Variants in P2RX2 observed in about 807,000 individuals in gnomAD.
P2RX2 encodes the protein purinergic receptor P2X 2, also known as P2X purinoceptor 2.
A neutral mutation model predicts 54.8 loss-of-function variants in P2RX2; 50 were observed. The observed-to-expected ratio is 0.91, with a 90% CI of 0.73 to 1.15. The LOEUF (loss-of-function observed/expected upper bound fraction) is 1.15. Among genes scored for constraint, P2RX2 ranks in the 50% most tolerant of loss-of-function variants. The pLI is 0.00. For missense variants in P2RX2, 658 were observed against 633.2 expected (o/e 1.04, Z -0.42); for synonymous variants, 289 against 259.4 (o/e 1.11, Z -1.09).
At position 132,621,021 on chromosome 12, in the gene P2RX2, T is replaced by C. The variant is rs2041650360; in HGVS notation, c.795T>C (p.Ile265=). 5 of 1,614,052 alleles carry C rather than the reference T, an allele frequency of 3.1e-6. No individual in the cohort carries two copies. The East Asian group carries it at 6.7e-5, about 22-fold the overall frequency. ...GGCAGGGTGGTGTCATCGGGGTCATTATCAACTGGGACTGTGACCTGGACC... is the reference window on the plus strand; with the variant it reads ...GGCAGGGTGGTGTCATCGGGGTCATCATCAACTGGGACTGTGACCTGGACC... ...LAHKGGVIGV[I]INWDCDLDLP... Residue 265 remains isoleucine, a synonymous_variant, in exon 8 of 11, where the codon ATT becomes ATC. Transcript: ENST00000643471.
rs777827527 is a variant in P2RX2, at chr12:132,620,576, C to A, written c.767C>A (p.Ala256Glu). Residue 256 changes from alanine to glutamate, a missense_variant, in exon 7 of 11, where the codon GCA becomes GAA. Ala to Glu is a moderately radical substitution (Grantham distance 107). Transcript: ENST00000643471. ...EKAGESFTELAHKGGVIGVII... is the reference protein window; with the variant it reads ...EKAGESFTELEHKGGVIGVII... ...GCTGGGGAGAGCTTCACAGAGCTCG[C>A]ACACAAGGCAGGGCAAGCGCAGGCA... 20 of 1,612,546 alleles carry A rather than the reference C, an allele frequency of 1.2e-5. No individual in the cohort carries two copies. The Admixed American group carries it at 3.3e-4, about 27-fold the overall frequency.
chr12:132,621,965 A>C lies in P2RX2; in HGVS notation c.1409A>C (p.Gln470Pro), dbSNP rs369100205. The C allele has an allele frequency of 8.1e-6, 13 of 1,613,678 alleles. No individual in the cohort carries two copies. The highest frequency in any genetic ancestry group is 1.1e-5 in the Non-Finnish European group (13 of 1,179,998). Reference sequence around the variant, plus strand: ...CCCACAGACCCCAAAGGTTTGGCTCAACTCTGAGCTCCTTTCCATCTCACT... The same window carrying C: ...CCCACAGACCCCAAAGGTTTGGCTCCACTCTGAGCTCCTTTCCATCTCACT... ...STPTDPKGLAQL is the reference protein window; with the variant it reads ...STPTDPKGLAPL Residue 470 changes from glutamine to proline, a missense_variant, in exon 11 of 11, where the codon CAA becomes CCA. By Grantham distance (76) the Gln-to-Pro change is moderately conservative. Coordinates refer to ENST00000643471, the MANE Select transcript of P2RX2 (RefSeq NM_170682.4).
intron 7 of P2RX2, 126 bp from the exon 8 acceptor site, chr12:132,620,872 CTGA>C: frequency 1.9e-5 from 19 of 975,194 alleles, no homozygotes; most frequent in East Asian, 7.0e-5. Context: ...CAGCCTGGGA[CTGA>C]CCCGGGCTCT....
rs1393195625 is a variant in P2RX2, at chr12:132,622,009, G to C, written c.*37G>C. 6 of 1,611,814 alleles carry C rather than the reference G, an allele frequency of 3.7e-6. No homozygotes were observed. Among genetic ancestry groups the C allele is most frequent in the East Asian group, 4.5e-5 (2 of 44,878 alleles). On this transcript the variant is annotated 3_prime_UTR_variant, in exon 11 of 11. Coordinates refer to ENST00000643471, the MANE Select transcript of P2RX2 (RefSeq NM_170682.4). ...TCTCACTGGACTGCAGACCCGGCCT[G>C]GTGGGGCCAGAGAGTCCCCAGCTAG...
Position 132,618,863 on chromosome 12 carries a change from G to A in P2RX2, c.47G>A (p.Arg16His). The A allele has an allele frequency of 1.5e-6, 2 of 1,371,760 alleles. No individual in the cohort carries two copies. Among genetic ancestry groups the A allele is most frequent in the Non-Finnish European group, 1.9e-6 (2 of 1,055,776 alleles). 85.0% of individuals were successfully genotyped at this position (1,371,760 alleles called of 1,614,324 possible). Residue 16 changes from arginine (R) to histidine (H), a missense_variant, in exon 1 of 11, where the codon CGC (arginine) becomes CAC (histidine). Arg to His is a conservative substitution (Grantham distance 29, BLOSUM62 0). Transcript: ENST00000643471. ...TACCCCGCCGGGGCGACCGCCCGGC[G>A]CCTGGCCCGGGGCTGCTGGTCCGCC... is the stretch of plus-strand genomic sequence containing the variant. Reference protein sequence around the residue: ...PKYPAGATARRLARGCWSALW... With the variant: ...PKYPAGATARHLARGCWSALW...
At position 132,621,096 on chromosome 12, in the gene P2RX2, C is replaced by G; in HGVS notation, c.870C>G (p.Pro290=). The change falls in exon 8 of 11, where the codon CCC becomes CCG. Residue 290 remains proline, a synonymous_variant. Coordinates refer to ENST00000643471, the MANE Select transcript of P2RX2 (RefSeq NM_170682.4). ...NPKYSFRRLD[P]KHVPASSGYN... is the part of the protein sequence containing the mutation. ...AGTACTCCTTCCGGAGGCTTGACCC[C>G]AAGCACGTGCCTGCCTCGTCAGGCT... is the stretch of plus-strand genomic sequence containing the variant. 1 of 1,614,160 alleles carries G rather than the reference C, an allele frequency of 6.2e-7. No individual in the cohort carries two copies. The highest frequency in any genetic ancestry group is 8.5e-7 in the Non-Finnish European group (1 of 1,180,014).
chr12:132,620,613 G>A, intron 7 of P2RX2, 30 bp downstream of exon 7: 3 of 1,605,610 alleles, frequency 1.9e-6, no homozygotes, highest in South Asian at 1.1e-5. Context: ...GGTGGGGCCA[G>A]GGTGGGCTCC....
rs2041544954 is a variant in P2RX2 at position 132,619,501 on chromosome 12, T to C, written c.236T>C (p.Ile79Thr). ...GAGACGGGCCCCGAGAGCTCCATCATCACCAAGGTCAAGGGGATCACCACG... is the reference window on the plus strand; with the variant it reads ...GAGACGGGCCCCGAGAGCTCCATCACCACCAAGGTCAAGGGGATCACCACG... Reference protein sequence around the residue: ...ESETGPESSIITKVKGITTSE... With the variant: ...ESETGPESSITTKVKGITTSE... Residue 79 changes from isoleucine to threonine, a missense_variant, in exon 2 of 11, where the codon ATC becomes ACC. Transcript: ENST00000643471. The C allele has an allele frequency of 6.2e-7, 1 of 1,612,558 alleles. No individual in the cohort carries two copies. Among genetic ancestry groups the C allele is most frequent in the Non-Finnish European group, 8.5e-7 (1 of 1,179,414 alleles).
chr12:132,621,391 G>C, intron 9 of P2RX2, 46 bp downstream of exon 9: 1 of 1,611,916 alleles, frequency 6.2e-7, no homozygotes, highest in Non-Finnish European at 8.5e-7. Context: ...GCTAGCCTGG[G>C]TCTGAGCTCC....
At position 132,620,249 on chromosome 12, in the gene P2RX2, C is replaced by A. The variant is rs1359268775; in HGVS notation, c.555-18C>A. On this transcript the variant is annotated intron_variant, in intron 5 of 10. Coordinates refer to ENST00000643471, the MANE Select transcript of P2RX2 (RefSeq NM_170682.4). Reference sequence around the variant, plus strand: ...TTGCGGGAAGAGGGGACTAAACAACCCTTCTGTGCCTCCTCAGCCAATTTC... The same window carrying A: ...TTGCGGGAAGAGGGGACTAAACAACACTTCTGTGCCTCCTCAGCCAATTTC... The A allele has an allele frequency of 1.9e-6, 3 of 1,609,388 alleles. No homozygotes were observed. Among genetic ancestry groups the A allele is most frequent in the East Asian group, 2.2e-5 (1 of 44,846 alleles).
Position 132,620,112 on chromosome 12 carries a change from G to C in P2RX2, c.554+16G>C. On this transcript the variant is annotated intron_variant, in intron 5 of 10. Coordinates refer to ENST00000643471, the MANE Select transcript of P2RX2 (RefSeq NM_170682.4). ...CCTCTGTCAGGTGCACCTGCGCCCCGGCCTGGGGCCCAGCCTCCCCTCTGA... is the reference window on the plus strand; with the variant it reads ...CCTCTGTCAGGTGCACCTGCGCCCCCGCCTGGGGCCCAGCCTCCCCTCTGA... 2 of 1,553,228 alleles carry C rather than the reference G, an allele frequency of 1.3e-6. No individual in the cohort carries two copies. Among genetic ancestry groups the C allele is most frequent in the Non-Finnish European group, 1.7e-6 (2 of 1,145,624 alleles).
Position 132,621,708 on chromosome 12 carries a change from G to T in P2RX2, c.1152G>T (p.Pro384=), listed in dbSNP as rs377132170. The T allele has an allele frequency of 1.6e-5, 26 of 1,613,220 alleles. No homozygotes were observed. The South Asian group carries it at 2.5e-4, about 16-fold the overall frequency. ...SHKKFDKVCT[P]SHPSGSWPVT... ...AGAAATTTGACAAGGTGTGTACGCCGAGCCACCCCTCAGGTAGCTGGCCTG... is the reference window on the plus strand; with the variant it reads ...AGAAATTTGACAAGGTGTGTACGCCTAGCCACCCCTCAGGTAGCTGGCCTG... The change falls in exon 11 of 11, where the codon CCG becomes CCT. Residue 384 remains proline, a synonymous_variant. Coordinates refer to ENST00000643471, the MANE Select transcript of P2RX2 (RefSeq NM_170682.4).
rs1300290431 is a variant in P2RX2, at chr12:132,622,195, G to A, written c.*223G>A. ...ACCTCCTCCCCAGCTGGTCCCTACA[G>A]GGCTGCTCACTTCCCATCACCTCTC... On this transcript the variant is annotated 3_prime_UTR_variant, in exon 11 of 11. Transcript: ENST00000643471. 34 of 1,416,866 alleles carry A rather than the reference G, an allele frequency of 2.4e-5. No individual in the cohort carries two copies. Among genetic ancestry groups the A allele is most frequent in the African/African-American group, 4.3e-5 (3 of 69,022 alleles). The allele number at this position is 1,416,866 out of a possible 1,614,324, so 87.8% of individuals were successfully genotyped here. A position where few individuals can be genotyped will look rare whatever the true frequency, so the allele number is the denominator to read the frequency against.
chr12:132,619,676 C>T lies in P2RX2; in HGVS notation c.310-3C>T. 1 of 1,594,178 alleles carries T rather than the reference C, an allele frequency of 6.3e-7. No individual in the cohort carries two copies. Among genetic ancestry groups the T allele is most frequent in the South Asian group, 1.1e-5 (1 of 88,582 alleles). On this transcript the variant is annotated splice_polypyrimidine_tract_variant and splice_region_variant and intron_variant, in intron 2 of 10. Coordinates refer to ENST00000643471, the MANE Select transcript of P2RX2 (RefSeq NM_170682.4). ...GCCGACCGCCCCCTCTTTCTGAGCC[C>T]AGGGGGGCAGCGTGTTCAGCATCAT...
Position 132,621,817 on chromosome 12 carries a change from C to T in P2RX2, c.1261C>T (p.Gln421Ter). The T allele has an allele frequency of 6.2e-7, 1 of 1,609,818 alleles. No homozygotes were observed. The change falls in exon 11 of 11, where the codon CAG (glutamine) becomes TAG (stop). Residue 421 changes from glutamine to a stop codon, truncating the protein, a stop_gained. Coordinates refer to ENST00000643471, the MANE Select transcript of P2RX2 (RefSeq NM_170682.4). LOFTEE classifies it high-confidence loss of function. ...EDQHPSPPSGQEGQQGAECGP... is the reference protein window; with the variant it reads ...EDQHPSPPSG Reference sequence around the variant, plus strand: ...CCAGCACCCCAGCCCTCCATCAGGCCAGGAGGGCCAACAAGGGGCAGAGTG... The same window carrying T: ...CCAGCACCCCAGCCCTCCATCAGGCTAGGAGGGCCAACAAGGGGCAGAGTG...
At chr12:132,619,603 G>A in intron 2 of P2RX2, 29 bp downstream of exon 2, 2 of 1,529,358 alleles carry the variant, frequency 1.3e-6, no homozygotes, top group Non-Finnish European at 1.8e-6. Flanking sequence ...CCCCCGCCCC[G>A]CCGTGCACCC....
chr12:132,620,388 T>C, intron 6 of P2RX2, 41 bp downstream of exon 6: 1 of 1,614,050 alleles, frequency 6.2e-7, no homozygotes, highest in East Asian at 2.2e-5. Flanking sequence ...GCCTGAGGGC[T>C]GCCTTCTGGG....
At position 132,620,164 on chromosome 12, in the gene P2RX2, C is replaced by G. The variant is rs1300776975; in HGVS notation, c.554+68C>G. 4 of 1,503,292 alleles carry G rather than the reference C, an allele frequency of 2.7e-6. No individual in the cohort carries two copies. The African/African-American group carries it at 5.6e-5, about 21-fold the overall frequency. 93.1% of individuals were successfully genotyped at this position (1,503,292 alleles called of 1,614,324 possible). A position where few individuals can be genotyped will look rare whatever the true frequency, so the allele number is the denominator to read the frequency against. On this transcript the variant is annotated intron_variant, in intron 5 of 10. Coordinates refer to ENST00000643471, the MANE Select transcript of P2RX2 (RefSeq NM_170682.4). ...CCTTTTCCCCTGACCAGAGGCCAAACGGGCGGGGCAGGAGTGACAAGATCT... is the reference window on the plus strand; with the variant it reads ...CCTTTTCCCCTGACCAGAGGCCAAAGGGGCGGGGCAGGAGTGACAAGATCT...
Position 132,619,745 on chromosome 12 carries a change from C to A in P2RX2, c.376C>A (p.Pro126Thr). The A allele has an allele frequency of 6.2e-7, 1 of 1,609,542 alleles. No individual in the cohort carries two copies. The highest frequency in any genetic ancestry group is 8.5e-7 in the Non-Finnish European group (1 of 1,178,146). ...ATHSQTQGTC[P>T]ESIRVHNATC... ...CCACTCCCAGACCCAGGGAACCTGCCCCGAGGTGAGGGGATCCCGCGGCGC... is the reference window on the plus strand; with the variant it reads ...CCACTCCCAGACCCAGGGAACCTGCACCGAGGTGAGGGGATCCCGCGGCGC... The change falls in exon 3 of 11, where the codon CCC (proline) becomes ACC (threonine). Residue 126 changes from proline to threonine, a missense_variant. Physicochemically the swap from Pro to Thr is conservative, Grantham distance 38. Transcript: ENST00000643471.
Sources: gnomAD v4.1 joint callset for allele counts on GRCh38, gnomAD v4.1.1 for gene constraint, MANE v1.5 for transcripts, NCBI Gene and HGNC (gene_info 2026-07-23, HGNC 2026-07-21) for gene names.